Variants in CDH18 observed in about 807,000 individuals in gnomAD.
The protein encoded by CDH18 is cadherin 18, also known as cadherin-18.
A neutral mutation model predicts 67.9 loss-of-function variants in CDH18; 31 were observed. The ratio of observed to expected loss-of-function variants is 0.46; its 90% CI spans 0.34 to 0.62. The LOEUF (loss-of-function observed/expected upper bound fraction) is 0.62, where lower values mean the gene tolerates loss of function less well. Ranked by LOEUF, CDH18 falls within the 20% of genes least tolerant of loss-of-function variation. The pLI is 0.01. For missense variants in CDH18, 890 were observed against 975.5 expected, an observed-to-expected ratio of 0.91 and a Z score of 1.17; for synonymous variants, 362 against 347.2, an observed-to-expected ratio of 1.04 and a Z score of -0.48.
chr5:19,585,326 G>A (rs1042212494), intron 7 of CDH18, among the ~76,000 whole-genome samples: 2 of 152,020 alleles, frequency 1.3e-5, no homozygotes, highest in African/African-American at 2.4e-5. Context: ...ACCATCCACT[G>A]CCACTTTCAC....
chr5:19,584,919 C>G (rs1298985272), intron 7 of CDH18, among the ~76,000 whole-genome samples: 3 of 150,968 alleles, frequency 2.0e-5, no homozygotes, highest in African/African-American at 4.9e-5. Context: ...CACTTGGGCA[C>G]TAGGGACCGA....
intron 5 of CDH18, among the ~76,000 whole-genome samples, chr5:19,620,213 AG>A (rs1750483962): frequency 1.3e-5 from 2 of 152,176 alleles, no homozygotes; most frequent in South Asian, 2.1e-4. Context: ...ATTTCTGCTG[AG>A]GAGAAAAGGA....
intron 11 of CDH18, among the ~76,000 whole-genome samples, chr5:19,490,112 T>C (rs1476906155): frequency 2.6e-5 from 4 of 151,904 alleles, no homozygotes; most frequent in East Asian, 3.9e-4. Context: ...AAAAACTATG[T>C]TTGGAGTCAC....
intron 6 of CDH18, among the ~76,000 whole-genome samples, chr5:19,610,431 C>G (rs1183260044): frequency 6.6e-6 from 1 of 151,948 alleles, no homozygotes; most frequent in Non-Finnish European, 1.5e-5. Context: ...TTAAAATTTT[C>G]TGTACATCTG....
At chr5:20,180,005 A>G (rs1172085734) in intron 2 of CDH18, among the ~76,000 whole-genome samples, 1 of 152,156 alleles carries the variant, frequency 6.6e-6, no homozygotes, top group Non-Finnish European at 1.5e-5. Flanking sequence ...AAAATATGAA[A>G]TGCTCCTGAT....
intron 2 of CDH18, among the ~76,000 whole-genome samples, chr5:19,902,281 A>T (rs1790025497): frequency 6.6e-6 from 1 of 152,044 alleles, no homozygotes; most frequent in African/African-American, 2.4e-5. Context: ...ACATTTAGTG[A>T]CTCCATTTTA....
chr5:20,362,757 T>C (rs574731795), intron 1 of CDH18, among the ~76,000 whole-genome samples: 1 of 152,290 alleles, frequency 6.6e-6, no homozygotes, highest in East Asian at 1.9e-4. Context: ...CAACTTCATA[T>C]TGAGTATTCT....
intron 1 of CDH18, among the ~76,000 whole-genome samples, chr5:20,393,543 G>A (rs995265558): frequency 6.6e-6 from 1 of 151,710 alleles, no homozygotes; most frequent in Non-Finnish European, 1.5e-5. Flanking sequence ...AGTTAAATCT[G>A]AAGATCTACA....
intron 5 of CDH18, among the ~76,000 whole-genome samples, chr5:19,636,345 A>G (rs1275049653): frequency 6.6e-6 from 1 of 152,158 alleles, no homozygotes; most frequent in East Asian, 1.9e-4. Context: ...CCACATAGTT[A>G]TCCTGTTTTA....
intron 3 of CDH18, among the ~76,000 whole-genome samples, chr5:19,756,919 T>C (rs1361438613): frequency 6.6e-6 from 1 of 152,202 alleles, no homozygotes; most frequent in Non-Finnish European, 1.5e-5. Context: ...CAGTACAATA[T>C]AGCGGATGCT....
intron 2 of CDH18, among the ~76,000 whole-genome samples, chr5:19,856,216 C>T (rs907010848): frequency 1.3e-5 from 2 of 152,280 alleles, no homozygotes; most frequent in Non-Finnish European, 2.9e-5. Flanking sequence ...TTCCCAGGCT[C>T]GATTCAAGAC....
At chr5:19,505,607 T>C (rs1744001643) in intron 10 of CDH18, among the ~76,000 whole-genome samples, 1 of 152,090 alleles carries the variant, frequency 6.6e-6, no homozygotes, top group Non-Finnish European at 1.5e-5. Context: ...TCTGTTTATA[T>C]GCTGGATTAG....
intron 1 of CDH18, among the ~76,000 whole-genome samples, chr5:20,548,686 T>C (rs867083901): frequency 6.6e-6 from 1 of 152,178 alleles, no homozygotes; most frequent in Non-Finnish European, 1.5e-5. Flanking sequence ...GACTGAAGAA[T>C]GCTGAAGTGG....
intron 6 of CDH18, among the ~76,000 whole-genome samples, chr5:19,594,239 C>A (rs887630874): frequency 2.6e-5 from 4 of 152,056 alleles, no homozygotes; most frequent in African/African-American, 9.7e-5. Flanking sequence ...GCAAGCTCTG[C>A]CTCCTGGCTT....
intron 4 of CDH18, among the ~76,000 whole-genome samples, chr5:19,721,784 T>G (rs1406603076): frequency 1.3e-5 from 2 of 152,184 alleles, no homozygotes; most frequent in African/African-American, 4.8e-5. Flanking sequence ...TTGGTTGGCT[T>G]GCACTCATAT....
chr5:20,275,704 C>A (rs1027790424), intron 1 of CDH18, among the ~76,000 whole-genome samples: 4 of 152,118 alleles, frequency 2.6e-5, no homozygotes, highest in Non-Finnish European at 5.9e-5. Flanking sequence ...TAGCTTTCCA[C>A]ACAAAAAATC....
chr5:19,663,604 A>G (rs1560980181), intron 5 of CDH18, among the ~76,000 whole-genome samples: 1 of 151,996 alleles, frequency 6.6e-6, no homozygotes, highest in African/African-American at 2.4e-5. Context: ...CCGTTTTGCC[A>G]TGATTCCTGG....
At chr5:19,738,932 G>C (rs1330828988) in intron 4 of CDH18, among the ~76,000 whole-genome samples, 1 of 152,094 alleles carries the variant, frequency 6.6e-6, no homozygotes, top group East Asian at 1.9e-4. Context: ...TGGAAAGACT[G>C]AGGAATCACT....
intron 1 of CDH18, among the ~76,000 whole-genome samples, chr5:20,399,180 G>T (rs554904543): frequency 1.3e-5 from 2 of 152,158 alleles, no homozygotes; most frequent in Non-Finnish European, 2.9e-5. Flanking sequence ...CAAAGATCAG[G>T]GAAACAGAAT....
Sources: allele counts gnomAD v4.1 joint callset (sites outside exome capture counted in the v4.1 genomes callset), GRCh38; gene constraint gnomAD v4.1.1; transcripts MANE v1.5; gene names NCBI Gene and HGNC (gene_info 2026-07-23, HGNC 2026-07-21).